The following C1QTNF3 variants were observed in gnomAD, a reference collection of about 807,000 sequenced individuals.
C1QTNF3 encodes complement C1q tumor necrosis factor-related protein 3.
C1QTNF3 carries 26 observed loss-of-function variants against 32.6 expected under a neutral mutation model. That is an observed-to-expected ratio of 0.80 (90% CI 0.58 to 1.11). The LOEUF (loss-of-function observed/expected upper bound fraction) is 1.11, where lower values mean the gene tolerates loss of function less well. Among genes scored for constraint, C1QTNF3 ranks in the 50% least tolerant of loss-of-function variants. The pLI, the probability that C1QTNF3 is intolerant of heterozygous loss-of-function variation, is 0.00. For synonymous variants in C1QTNF3, 155 were observed against 146.0 expected, an observed-to-expected ratio of 1.06 and a Z score of -0.44; for missense variants, 362 against 398.2, an observed-to-expected ratio of 0.91 and a Z score of 0.77.
the C1QTNF3 span, among the ~76,000 whole-genome samples, chr5:34,241,956 GGAAGGAAGGAAGGAAGGAA>G: frequency 9.9e-6 from 1 of 100,666 alleles, no homozygotes; most frequent in South Asian, 3.1e-4. Context: ...AGGGAGGGAA[GGAAGGAAGGAAGGAAGGAA>G]GGAAGGAAGG....
chr5:34,085,091 C>T, the C1QTNF3 span, among the ~76,000 whole-genome samples: 54 of 146,020 alleles, frequency 3.7e-4, no homozygotes, highest in East Asian at 8.7e-3. Context: ...CCCGGGTTCA[C>T]GCCATTCTCC....
upstream of C1QTNF3, among the ~76,000 whole-genome samples, chr5:34,048,051 C>G (rs999450007): frequency 7.9e-5 from 12 of 152,068 alleles, no homozygotes; most frequent in East Asian, 2.3e-3. Context: ...GCCAGTGTCC[C>G]AGGAATGGAT....
rs143062859 is a variant in C1QTNF3, at chr5:34,035,149, T to C, written c.415+498A>G. 1.7e-4 allele frequency among the ~76,000 whole-genome samples: 26 copies of C among 152,318 alleles called. No homozygotes were observed. In the East Asian group the frequency reaches 5.0e-3, roughly 29 times the overall value. ...CCTGGTGGCATTGGCACAGTACAGA[T>C]GACTGAATTGCTGGTCTAGTGGGGT... is the stretch of plus-strand genomic sequence containing the variant. On this transcript the variant is annotated intron_variant, in intron 2 of 5. Coordinates refer to ENST00000382065, the MANE Select transcript of C1QTNF3 (RefSeq NM_181435.6).
chr5:34,156,015 A>C, the C1QTNF3 span, among the ~76,000 whole-genome samples: 1 of 152,148 alleles, frequency 6.6e-6, no homozygotes, highest in Non-Finnish European at 1.5e-5. Context: ...CTCCATCTCC[A>C]TGTTGTGATG....
chr5:34,236,435 T>A, the C1QTNF3 span, among the ~76,000 whole-genome samples: 476 of 152,082 alleles, frequency 3.1e-3, 1 homozygote, highest in Non-Finnish European at 5.2e-3. Context: ...CTGATTGATG[T>A]GTAAAACCTC....
chr5:34,045,426 T>C (rs544194249), upstream of C1QTNF3, among the ~76,000 whole-genome samples: 2 of 152,286 alleles, frequency 1.3e-5, no homozygotes, highest in South Asian at 4.1e-4. Flanking sequence ...CTAAGGTGCA[T>C]CCAGGGTTAG....
chr5:34,034,741 T>C (rs772515895), intron 2 of C1QTNF3, among the ~76,000 whole-genome samples: 29 of 152,264 alleles, frequency 1.9e-4, no homozygotes, highest in Non-Finnish European at 4.0e-4. Context: ...TTTACAAGGG[T>C]CGAAGTAGGC....
At chr5:34,099,864 T>C in the C1QTNF3 span, among the ~76,000 whole-genome samples, 1 of 141,174 alleles carries the variant, frequency 7.1e-6, no homozygotes, top group African/African-American at 2.7e-5. Context: ...ACCTCTCTGA[T>C]AATTTAAAGA....
At chr5:34,022,886 C>T (rs943876990) in intron 5 of C1QTNF3, among the ~76,000 whole-genome samples, 1 of 152,098 alleles carries the variant, frequency 6.6e-6, no homozygotes, top group Admixed American at 6.5e-5. Flanking sequence ...GATGGAGTCT[C>T]GCTCTGTCGC....
chr5:34,175,770 C>A, the C1QTNF3 span: 1 of 663,174 alleles, frequency 1.5e-6, no homozygotes, highest in Admixed American at 2.4e-5. Context: ...GGCAAGGCAA[C>A]CTGAAAAAAT....
At chr5:34,077,252 T>C in the C1QTNF3 span, among the ~76,000 whole-genome samples, 3 of 151,722 alleles carry the variant, frequency 2.0e-5, no homozygotes, top group Admixed American at 1.3e-4. Context: ...TGGCTTCTTA[T>C]GTAAGATCTT....
At chr5:34,028,019 CT>C (rs1286783827) in intron 4 of C1QTNF3, among the ~76,000 whole-genome samples, 2 of 152,174 alleles carry the variant, frequency 1.3e-5, no homozygotes, top group Non-Finnish European at 2.9e-5. Context: ...GTCGCCCAGG[CT>C]GGAGTGCAGT....
the C1QTNF3 span, among the ~76,000 whole-genome samples, chr5:34,140,010 C>A: frequency 6.6e-6 from 1 of 152,118 alleles, no homozygotes; most frequent in Admixed American, 6.5e-5. Flanking sequence ...AGTACAGACA[C>A]CCGCTGATTT....
At chr5:34,115,064 A>G in the C1QTNF3 span, among the ~76,000 whole-genome samples, 1 of 152,118 alleles carries the variant, frequency 6.6e-6, no homozygotes, top group Non-Finnish European at 1.5e-5. Flanking sequence ...CATCAAAAAT[A>G]GTGTCATTAA....
At chr5:34,173,761 C>T in the C1QTNF3 span, among the ~76,000 whole-genome samples, 8 of 143,436 alleles carry the variant, frequency 5.6e-5, no homozygotes, top group African/African-American at 2.1e-4. Context: ...ATTACTTTAG[C>T]ATATTATCTC....
the C1QTNF3 span, among the ~76,000 whole-genome samples, chr5:34,057,384 A>G: frequency 6.6e-6 from 1 of 152,164 alleles, no homozygotes; most frequent in Non-Finnish European, 1.5e-5. Context: ...CAAGCAGAGA[A>G]GGGTGACTAT....
chr5:34,078,193 A>G, the C1QTNF3 span, among the ~76,000 whole-genome samples: 2 of 151,588 alleles, frequency 1.3e-5, no homozygotes, highest in Non-Finnish European at 2.9e-5. This position sits in a 1 kb window ranked among gnomAD's most constrained non-coding sequence, Gnocchi z 4.0. Flanking sequence ...GCGTGCTGCT[A>G]ATGCATGAGC....
chr5:34,223,996 AT>A, the C1QTNF3 span, among the ~76,000 whole-genome samples: 1 of 152,166 alleles, frequency 6.6e-6, no homozygotes, highest in East Asian at 1.9e-4. Flanking sequence ...ACGCATTTGT[AT>A]ACACCAATAA....
the C1QTNF3 span, among the ~76,000 whole-genome samples, chr5:34,092,567 G>C: frequency 6.8e-6 from 1 of 146,348 alleles, no homozygotes; most frequent in Non-Finnish European, 1.5e-5. Flanking sequence ...CTTATTAAAT[G>C]TGTGAATTGC....
Sources: allele counts gnomAD v4.1 joint callset (sites outside exome capture counted in the v4.1 genomes callset), GRCh38; gene constraint gnomAD v4.1.1; non-coding constraint Gnocchi (gnomAD v3.1); transcripts MANE v1.5; gene names NCBI Gene and HGNC (gene_info 2026-07-23, HGNC 2026-07-21).